Variants in CDC42BPA observed in about 807,000 individuals in gnomAD.
The protein encoded by CDC42BPA is CDC42 binding protein kinase alpha.
A neutral mutation model predicts 223.5 loss-of-function variants in CDC42BPA; 80 were observed. The observed-to-expected ratio is 0.36, with a 90% CI of 0.30 to 0.43. CDC42BPA has a LOEUF of 0.43. Ranked by LOEUF, CDC42BPA falls within the 20% of genes least tolerant of loss-of-function variation. The pLI, the probability that CDC42BPA is intolerant of heterozygous loss-of-function variation, is 1.00. For missense variants in CDC42BPA, 1,743 were observed against 2,099.9 expected, an observed-to-expected ratio of 0.83 and a Z score of 3.32; for synonymous variants, 694 against 718.6, an observed-to-expected ratio of 0.97 and a Z score of 0.55.
chr1:227,300,727 C>G (rs1049280872), intron 1 of CDC42BPA, among the ~76,000 whole-genome samples: 1 of 152,164 alleles, frequency 6.6e-6, no homozygotes, highest in Non-Finnish European at 1.5e-5. Flanking sequence ...GTAAAATGTA[C>G]AGTACTCAGG....
chr1:227,251,998 A>G (rs1324640957), intron 2 of CDC42BPA, among the ~76,000 whole-genome samples: 3 of 152,288 alleles, frequency 2.0e-5, no homozygotes, highest in Admixed American at 6.5e-5. Context: ...CAAAAAATAT[A>G]TACATATATA....
chr1:227,062,581 T>C (rs1398977217), intron 21 of CDC42BPA, among the ~76,000 whole-genome samples: 3 of 152,194 alleles, frequency 2.0e-5, no homozygotes, highest in Admixed American at 2.0e-4. Context: ...GTATTTTGCT[T>C]AGCATAAGAC....
At position 227,114,385 on chromosome 1, in the gene CDC42BPA, T is replaced by C. The variant is rs975113778; in HGVS notation, c.1648-1472A>G. The stretch of plus-strand genomic sequence containing the variant: ...ATTACTTTTCAAGTCTGAGGCTTCA[T>C]ATAAACAAAACTGACAGAGCTTACC... On this transcript the variant is annotated intron_variant, in intron 12 of 36. Transcript: ENST00000366766. Among the ~76,000 whole-genome samples the C allele has an allele frequency of 1.3e-4, 20 of 150,076 alleles. 1 individual carries two copies. Among genetic ancestry groups the C allele is most frequent in the Middle Eastern group, 3.4e-3 (1 of 290 alleles).
chr1:227,214,990 G>A (rs1466662395), intron 2 of CDC42BPA, among the ~76,000 whole-genome samples: 2 of 152,172 alleles, frequency 1.3e-5, no homozygotes, highest in Non-Finnish European at 2.9e-5. Flanking sequence ...TTGGCAGCAT[G>A]TAGTGACATC....
At chr1:227,086,563 TA>T (rs1252809334) in intron 16 of CDC42BPA, among the ~76,000 whole-genome samples, 2 of 152,238 alleles carry the variant, frequency 1.3e-5, no homozygotes, top group Non-Finnish European at 2.9e-5. Context: ...GGCATTCTCC[TA>T]ATGACGATCA....
intron 1 of CDC42BPA, among the ~76,000 whole-genome samples, chr1:227,267,324 G>A (rs1685173025): frequency 6.6e-6 from 1 of 152,130 alleles, no homozygotes; most frequent in Non-Finnish European, 1.5e-5. Flanking sequence ...TAGGAATCCA[G>A]TGATCTCTTA....
intron 2 of CDC42BPA, among the ~76,000 whole-genome samples, chr1:227,253,766 T>G (rs1193670227): frequency 6.6e-6 from 1 of 151,922 alleles, no homozygotes; most frequent in Non-Finnish European, 1.5e-5. Flanking sequence ...TAAACTAGAA[T>G]AAGACAGACC....
At chr1:227,145,982 T>C (rs1395330730) in intron 7 of CDC42BPA, among the ~76,000 whole-genome samples, 5 of 152,172 alleles carry the variant, frequency 3.3e-5, no homozygotes, top group African/African-American at 1.2e-4. Flanking sequence ...CATTGTACCT[T>C]AGATATCTTA....
At chr1:227,129,637 A>G (rs1571845013) in intron 10 of CDC42BPA, among the ~76,000 whole-genome samples, 2 of 132,142 alleles carry the variant, frequency 1.5e-5, no homozygotes, top group East Asian at 4.9e-4. Context: ...ACTGTACTCC[A>G]TCCTGGGAGA....
intron 2 of CDC42BPA, among the ~76,000 whole-genome samples, chr1:227,231,093 G>A (rs61588040): frequency 0.03 from 4,515 of 150,974 alleles, 193 homozygotes; most frequent in African/African-American, 0.099. Flanking sequence ...CCGTTAACTC[G>A]TCATTTACAT....
At position 227,282,070 on chromosome 1, in the gene CDC42BPA, T is replaced by C. The variant is rs564238305; in HGVS notation, c.179-27915A>G. 2.0e-5 allele frequency among the ~76,000 whole-genome samples: 3 copies of C among 151,158 alleles called. No individual in the cohort carries two copies. The East Asian group carries it at 5.9e-4, about 30-fold the overall frequency. The stretch of plus-strand genomic sequence containing the variant: ...CGGGCGTGGTGACACATGCCTGTAA[T>C]CCCAGCTACTTGGGAGCTGAGGCAG... On this transcript the variant is annotated intron_variant, in intron 1 of 36. Coordinates refer to ENST00000366766, the MANE Select transcript of CDC42BPA (RefSeq NM_001394014.1).
intron 6 of CDC42BPA, among the ~76,000 whole-genome samples, chr1:227,153,270 C>CTT (rs1359067033): frequency 1.3e-5 from 2 of 151,062 alleles, no homozygotes; most frequent in Non-Finnish European, 3.0e-5. Context: ...AAACATAGAA[C>CTT]ATATAAAAAC....
chr1:227,286,192 T>G (rs1465003081), intron 1 of CDC42BPA, among the ~76,000 whole-genome samples: 5 of 152,232 alleles, frequency 3.3e-5, no homozygotes, highest in African/African-American at 9.6e-5. Context: ...TTCCAAAATT[T>G]TATGCTGTTT....
rs560627401 is a variant in CDC42BPA at position 227,132,663 on chromosome 1, C to T, written c.1391-3432G>A. On this transcript the variant is annotated intron_variant, in intron 10 of 36. Coordinates refer to ENST00000366766, the MANE Select transcript of CDC42BPA (RefSeq NM_001394014.1). ...AAAGTGAGGATCGTCTCTGCCCGGC[C>T]GCCATCCCATCTAGGAAGTGAGGAG... Among the ~76,000 whole-genome samples the T allele has an allele frequency of 1.9e-3, 293 of 151,100 alleles. 2 individuals are homozygous for T. The highest frequency in any genetic ancestry group is 6.7e-3 in the African/African-American group (274 of 41,068).
chr1:227,279,468 A>G (rs910782756), intron 1 of CDC42BPA, among the ~76,000 whole-genome samples: 2 of 152,086 alleles, frequency 1.3e-5, no homozygotes, highest in Non-Finnish European at 2.9e-5. Context: ...TAGCATGGAA[A>G]TATCTGTAAA....
chr1:227,293,335 G>A (rs1472461353), intron 1 of CDC42BPA, among the ~76,000 whole-genome samples: 1 of 152,024 alleles, frequency 6.6e-6, no homozygotes, highest in Admixed American at 6.6e-5. Context: ...ACACTTAAAT[G>A]TTTACAGTTT....
At chr1:227,233,988 G>A (rs903211225) in intron 2 of CDC42BPA, among the ~76,000 whole-genome samples, 1 of 152,126 alleles carries the variant, frequency 6.6e-6, no homozygotes, top group Non-Finnish European at 1.5e-5. Context: ...AGTCTCTGCA[G>A]CATGTAGAAT....
At chr1:227,097,751 T>C (rs545831676) in intron 15 of CDC42BPA, among the ~76,000 whole-genome samples, 116 of 152,292 alleles carry the variant, frequency 7.6e-4, no homozygotes, top group African/African-American at 2.7e-3. Context: ...CAGGGAAGAA[T>C]GCCTCAAATG....
intron 1 of CDC42BPA, among the ~76,000 whole-genome samples, chr1:227,268,555 T>G (rs976291696): frequency 6.7e-6 from 1 of 149,426 alleles, no homozygotes; most frequent in Admixed American, 6.7e-5. Context: ...ATATGTATAC[T>G]TTTTTCTGTA....
Sources: gnomAD v4.1 joint callset for allele counts (sites outside exome capture counted in the v4.1 genomes callset) on GRCh38, gnomAD v4.1.1 for gene constraint, MANE v1.5 for transcripts, NCBI Gene and HGNC (gene_info 2026-07-23, HGNC 2026-07-21) for gene names.